TMEM116: variants seen among roughly 807,000 people sequenced by gnomAD.
TMEM116 encodes the protein transmembrane protein 116.
A neutral mutation model predicts 44.3 loss-of-function variants in TMEM116; 38 were observed. The ratio of observed to expected loss-of-function variants is 0.86; its 90% CI spans 0.66 to 1.12. The LOEUF (loss-of-function observed/expected upper bound fraction) is 1.12, where lower values mean the gene tolerates loss of function less well. TMEM116 is among the 50% of genes most tolerant of loss of function. The probability of loss-of-function intolerance (pLI) is 0.00; values close to 1 mark genes in which losing one functional copy is unlikely to be tolerated. For synonymous variants in TMEM116, 132 were observed against 144.8 expected (o/e 0.91, Z 0.64); for missense variants, 354 against 401.7 (o/e 0.88, Z 1.01).
chr12:111,931,972 C>G, intron 10 of TMEM116, 145 bp from the exon 11 acceptor site: 1 of 604,914 alleles, frequency 1.7e-6, no homozygotes, highest in Middle Eastern at 4.4e-4. Context: ...TTATATTTTT[C>G]TAGTTCATCC....
chr12:111,934,164 T>G, intron 8 of TMEM116, 134 bp from the exon 9 acceptor site: 1 of 1,093,654 alleles, frequency 9.1e-7, no homozygotes, highest in Non-Finnish European at 1.3e-6. Flanking sequence ...TTGTCTTTAC[T>G]TTCTGAGATC....
chr12:111,936,645 C>A (rs774672310), intron 8 of TMEM116, 47 bp downstream of exon 8: 1 of 1,595,140 alleles, frequency 6.3e-7, no homozygotes, highest in Non-Finnish European at 8.5e-7. Context: ...GGCCCATCCC[C>A]TTCATTTCCT....
At chr12:112,008,479 C>CAA (rs568656215) in intron 1 of TMEM116, among the ~76,000 whole-genome samples, 6 of 129,708 alleles carry the variant, frequency 4.6e-5, no homozygotes, top group Admixed American at 7.8e-5. Flanking sequence ...GACTCCACCT[C>CAA]AAAAAAAAAA....
chr12:111,938,357 A>G (rs1422546990), intron 5 of TMEM116, 147 bp from the exon 6 acceptor site: 3 of 508,684 alleles, frequency 5.9e-6, no homozygotes, highest in Non-Finnish European at 1.0e-5. Context: ...TATAAAATTC[A>G]TCAAATAGAT....
intron 10 of TMEM116, 113 bp downstream of exon 10, chr12:111,932,473 T>C: frequency 2.4e-6 from 2 of 829,554 alleles, no homozygotes; most frequent in South Asian, 3.1e-5. Flanking sequence ...ATTTTCTCTT[T>C]TGCAATGTAG....
chr12:111,969,121 G>A (rs2075167338), intron 4 of TMEM116, among the ~76,000 whole-genome samples: 1 of 151,348 alleles, frequency 6.6e-6, no homozygotes. Context: ...GGGAGCTCAA[G>A]ACCAGCCTGA....
Position 111,957,160 on chromosome 12 carries a change from C to T in TMEM116, c.211-13791G>A, listed in dbSNP as rs556925081. Among the ~76,000 whole-genome samples the T allele has an allele frequency of 3.0e-4, 46 of 151,570 alleles. 1 individual carries two copies. Among genetic ancestry groups the T allele is most frequent in the Admixed American group, 2.7e-3 (41 of 15,258 alleles). ...GAAGTGAGGAGTGCCTCTTCCTGGC[C>T]GTCATCCCGTCTAGGAAGTGAGGAG... On this transcript the variant is annotated intron_variant, in intron 4 of 10. Transcript: ENST00000552374.
intron 3 of TMEM116, chr12:112,000,823 G>C (rs981230758): frequency 7.9e-6 from 4 of 506,808 alleles, no homozygotes; most frequent in Admixed American, 6.2e-5. Flanking sequence ...GATTGAATAC[G>C]GTTCATTAGC....
Position 111,932,528 on chromosome 12 carries a change from A to G in TMEM116, c.807+58T>C, listed in dbSNP as rs956115962. ...ATCATCCTTACCGAGTAAAGGTAGT[A>G]TAAGAAAATAGGATAAGCGGGTGTA... is the stretch of plus-strand genomic sequence containing the variant. On this transcript the variant is annotated intron_variant, in intron 10 of 10. Transcript: ENST00000552374. 3.5e-6 allele frequency: 5 copies of G among 1,411,922 alleles called. No homozygotes were observed. The African/African-American group carries it at 7.1e-5, about 20-fold the overall frequency. The allele number at this position is 1,411,922 out of a possible 1,614,324, so 87.5% of individuals were successfully genotyped here. A position where few individuals can be genotyped will look rare whatever the true frequency, so the allele number is the denominator to read the frequency against.
intron 1 of TMEM116, among the ~76,000 whole-genome samples, chr12:112,006,495 G>A (rs1298399283): frequency 6.6e-6 from 1 of 152,234 alleles, no homozygotes; most frequent in Non-Finnish European, 1.5e-5. Context: ...TAATACTAGT[G>A]AAAAGCTGAG....
At chr12:111,992,630 G>T (rs990683826) in intron 3 of TMEM116, among the ~76,000 whole-genome samples, 6 of 152,100 alleles carry the variant, frequency 3.9e-5, no homozygotes, top group Non-Finnish European at 7.4e-5. Flanking sequence ...TAAAGAAAAT[G>T]AAAACGTTTA....
At chr12:111,945,435 GA>G (rs1005475844) in intron 4 of TMEM116, among the ~76,000 whole-genome samples, 1 of 150,536 alleles carries the variant, frequency 6.6e-6, no homozygotes, top group Non-Finnish European at 1.5e-5. Flanking sequence ...GTATCTGTTA[GA>G]TTTTTTTTCA....
intron 3 of TMEM116, among the ~76,000 whole-genome samples, chr12:111,995,963 C>T (rs1027523505): frequency 6.7e-6 from 1 of 150,324 alleles, no homozygotes; most frequent in African/African-American, 2.5e-5. Flanking sequence ...TCACTTGAGC[C>T]CAGGAGGTCA....
intron 4 of TMEM116, among the ~76,000 whole-genome samples, chr12:111,988,613 C>T (rs1298477224): frequency 1.3e-5 from 2 of 151,668 alleles, no homozygotes; most frequent in Non-Finnish European, 2.9e-5. Flanking sequence ...GCAGGGGAAT[C>T]GCTTGAACCT....
intron 3 of TMEM116, among the ~76,000 whole-genome samples, chr12:112,002,657 C>G (rs1025934225): frequency 6.6e-6 from 1 of 152,120 alleles, no homozygotes; most frequent in Non-Finnish European, 1.5e-5. Context: ...GACTTTGAAC[C>G]ACAATTTCCT....
At chr12:111,942,329 G>C (rs1353438385) in intron 5 of TMEM116, among the ~76,000 whole-genome samples, 1 of 151,618 alleles carries the variant, frequency 6.6e-6, no homozygotes, top group Non-Finnish European at 1.5e-5. Flanking sequence ...GGAGTGCAGT[G>C]TGGCATGATC....
chr12:111,937,625 C>T (rs377108813), intron 6 of TMEM116, among the ~76,000 whole-genome samples: 3 of 152,120 alleles, frequency 2.0e-5, no homozygotes, highest in African/African-American at 7.2e-5. Flanking sequence ...TCTCATCAGC[C>T]CCTTCTTGGG....
At chr12:111,982,718 C>T (rs1461276541) in intron 4 of TMEM116, among the ~76,000 whole-genome samples, 1 of 152,084 alleles carries the variant, frequency 6.6e-6, no homozygotes, top group East Asian at 1.9e-4. Context: ...GAGCAGGACA[C>T]ATACTCAGAA....
chr12:111,993,545 T>C (rs1186343217), intron 3 of TMEM116: 1 of 546,646 alleles, frequency 1.8e-6, no homozygotes, highest in Non-Finnish European at 3.6e-6. Flanking sequence ...AAGGTTCAAA[T>C]TCAAACCCAA....
Sources: allele counts gnomAD v4.1 joint callset (sites outside exome capture counted in the v4.1 genomes callset), GRCh38; gene constraint gnomAD v4.1.1; transcripts MANE v1.5; gene names NCBI Gene and HGNC (gene_info 2026-07-23, HGNC 2026-07-21).